TBC1D16: variants seen among roughly 807,000 people sequenced by gnomAD.
TBC1D16 encodes CTD-2529O21.1.
A neutral mutation model predicts 74.7 loss-of-function variants in TBC1D16; 58 were observed. The ratio of observed to expected loss-of-function variants is 0.78; its 90% CI spans 0.63 to 0.97. TBC1D16 has a LOEUF of 0.97. Ranked by LOEUF, TBC1D16 falls within the 50% of genes least tolerant of loss-of-function variation. The pLI, the probability that TBC1D16 is intolerant of heterozygous loss-of-function variation, is 0.00. For synonymous variants in TBC1D16, 493 were observed against 474.7 expected, an observed-to-expected ratio of 1.04 and a Z score of -0.50; for missense variants, 1,014 against 1,079.5, an observed-to-expected ratio of 0.94 and a Z score of 0.85.
chr17:79,963,428 C>T (rs1340275538), intron 3 of TBC1D16, among the ~76,000 whole-genome samples: 4 of 152,102 alleles, frequency 2.6e-5, no homozygotes, highest in Non-Finnish European at 5.9e-5. Context: ...GAATTTCCTT[C>T]CCTTTTATGG....
rs545902290 is a variant in TBC1D16 at position 79,986,586 on chromosome 17, T to G, written c.779+23574A>C. Among the ~76,000 whole-genome samples, 2 of 152,284 alleles carry G rather than the reference T, an allele frequency of 1.3e-5. No homozygotes were observed. Among genetic ancestry groups the G allele is most frequent in the South Asian group, 4.1e-4 (2 of 4,820 alleles). ...CCGCCCCCTGCCGAAGCCTGGCCTT[T>G]GAAGGATGAACGGCAAGGGGTATGT... On this transcript the variant is annotated intron_variant, in intron 3 of 11. Transcript: ENST00000310924. The surrounding 1 kb of genome is among the most constrained non-coding windows in gnomAD (Gnocchi z 6.0).
intron 3 of TBC1D16, among the ~76,000 whole-genome samples, chr17:79,977,754 A>G (rs1242187270): frequency 6.6e-6 from 1 of 152,264 alleles, no homozygotes; most frequent in Non-Finnish European, 1.5e-5. Flanking sequence ...TACTGGACTC[A>G]TCCAGCCGAG....
At chr17:79,974,858 G>A (rs1310272982) in intron 3 of TBC1D16, among the ~76,000 whole-genome samples, 1 of 152,100 alleles carries the variant, frequency 6.6e-6, no homozygotes, top group Non-Finnish European at 1.5e-5. Flanking sequence ...AGGAGTTTGT[G>A]GAATAGGTTC....
chr17:79,948,375 C>A (rs957830083), intron 8 of TBC1D16, among the ~76,000 whole-genome samples: 1 of 150,896 alleles, frequency 6.6e-6, no homozygotes, highest in African/African-American at 2.4e-5. Flanking sequence ...ATCTTGAGAG[C>A]AGGGGTTAAG....
chr17:79,977,287 G>A (rs1160485959), intron 3 of TBC1D16, among the ~76,000 whole-genome samples: 2 of 152,202 alleles, frequency 1.3e-5, no homozygotes, highest in African/African-American at 4.8e-5. Context: ...GCACAGGGAC[G>A]TGCAGGTCAC....
In TBC1D16 at chr17:79,944,295, A is replaced by G. The variant is rs575620554; in HGVS notation, c.1908+613T>C. Reference sequence around the variant, plus strand: ...AGTTTTTTTTTTAAAAGGCTGATGGACTCAAAGAGACTTGCTTATCTTTTG... The same window carrying G: ...AGTTTTTTTTTTAAAAGGCTGATGGGCTCAAAGAGACTTGCTTATCTTTTG... On this transcript the variant is annotated intron_variant, in intron 10 of 11. Transcript: ENST00000310924. The surrounding 1 kb of genome is among the most constrained non-coding windows in gnomAD (Gnocchi z 7.7). Among the ~76,000 whole-genome samples, 2 of 152,024 alleles carry G rather than the reference A, an allele frequency of 1.3e-5. No individual in the cohort carries two copies. The highest frequency in any genetic ancestry group is 1.3e-4 in the Admixed American group (2 of 15,272).
Position 80,000,680 on chromosome 17 carries a change from GTC to G in TBC1D16, c.779+9478_779+9479del, listed in dbSNP as rs1286698954. On this transcript the variant is annotated intron_variant, in intron 3 of 11. Coordinates refer to ENST00000310924, the MANE Select transcript of TBC1D16 (RefSeq NM_019020.4). This position sits in a 1 kb window ranked among gnomAD's most constrained non-coding sequence, Gnocchi z 4.1. Reference sequence around the variant, plus strand: ...AGTCAGGTACACAGTGATGATGACTGTCTATCTGCCCTGTACTGAGCCCTCTG... The same window carrying G: ...AGTCAGGTACACAGTGATGATGACTGTATCTGCCCTGTACTGAGCCCTCTG... Among the ~76,000 whole-genome samples, 1 of 152,218 alleles carries G rather than the reference GTC, an allele frequency of 6.6e-6. No homozygotes were observed. Among genetic ancestry groups the G allele is most frequent in the Non-Finnish European group, 1.5e-5 (1 of 68,044 alleles).
rs533973389 is a variant in TBC1D16, at chr17:79,983,665, G to A, written c.779+26495C>T. 3.3e-4 allele frequency among the ~76,000 whole-genome samples: 50 copies of A among 152,302 alleles called. No homozygotes were observed. The highest frequency in any genetic ancestry group is 9.6e-4 in the African/African-American group (40 of 41,578). ...AGGAGAGCAAGGAAGTGCCGCCCAC[G>A]GCATTCCGGAAGGTGGTTCCTTCTG... On this transcript the variant is annotated intron_variant, in intron 3 of 11. Coordinates refer to ENST00000310924, the MANE Select transcript of TBC1D16 (RefSeq NM_019020.4). This position sits in a 1 kb window ranked among gnomAD's most constrained non-coding sequence, Gnocchi z 5.6.
Position 79,954,559 on chromosome 17 carries a change from G to A in TBC1D16, c.780-1741C>T, listed in dbSNP as rs967750630. Among the ~76,000 whole-genome samples the A allele has an allele frequency of 6.6e-6, 1 of 152,172 alleles. No individual in the cohort carries two copies. Among genetic ancestry groups the A allele is most frequent in the African/African-American group, 2.4e-5 (1 of 41,450 alleles). The stretch of plus-strand genomic sequence containing the variant: ...GAACTGCCGTGGCTGCGCCGCGGAC[G>A]GGCCCAGAAGACCGAGGGCTCCTGA... On this transcript the variant is annotated intron_variant, in intron 3 of 11. Coordinates refer to ENST00000310924, the MANE Select transcript of TBC1D16 (RefSeq NM_019020.4). This position sits in a 1 kb window ranked among gnomAD's most constrained non-coding sequence, Gnocchi z 5.5.
rs550310388 is a variant in TBC1D16 at position 79,941,459 on chromosome 17, C to A, written c.2056-352G>T. 1.3e-5 allele frequency among the ~76,000 whole-genome samples: 2 copies of A among 148,692 alleles called. No homozygotes were observed. Among genetic ancestry groups the A allele is most frequent in the Non-Finnish European group, 3.0e-5 (2 of 66,592 alleles). ...AAGCCCACCTGTCCCTTTGGCAGCA[C>A]CCCTCTCTTCTTCCCCCGCACCTTG... On this transcript the variant is annotated intron_variant, in intron 11 of 11. Transcript: ENST00000310924. This position sits in a 1 kb window ranked among gnomAD's most constrained non-coding sequence, Gnocchi z 4.3.
chr17:79,941,418 C>T lies in TBC1D16; in HGVS notation c.2056-311G>A, dbSNP rs536187868. 3.4e-3 allele frequency among the ~76,000 whole-genome samples: 517 copies of T among 152,274 alleles called. 3 individuals are homozygous for T. Among genetic ancestry groups the T allele is most frequent in the Middle Eastern group, 0.01 (3 of 294 alleles). On this transcript the variant is annotated intron_variant, in intron 11 of 11. Coordinates refer to ENST00000310924, the MANE Select transcript of TBC1D16 (RefSeq NM_019020.4). The surrounding 1 kb of genome is among the most constrained non-coding windows in gnomAD (Gnocchi z 4.3). ...AACAGGACCAACACCAGCACAGGGC[C>T]GGGTGGCGTCCAGCCAAGCCCACCT...
chr17:80,025,120 G>A (rs113599285), intron 1 of TBC1D16, among the ~76,000 whole-genome samples: 2 of 78,362 alleles, frequency 2.6e-5, no homozygotes, highest in Non-Finnish European at 4.9e-5. Context: ...AAACACCACA[G>A]ACACACACAC....
rs145749859 is a variant in TBC1D16 at position 79,953,433 on chromosome 17, G to A, written c.780-615C>T. On this transcript the variant is annotated intron_variant, in intron 3 of 11. Transcript: ENST00000310924. The stretch of plus-strand genomic sequence containing the variant: ...GGCCCTGAGCTAATGCTTCTCAGGT[G>A]CTTTTATTGCAATTAATCTTCACAA... Among the ~76,000 whole-genome samples, 3 of 152,340 alleles carry A rather than the reference G, an allele frequency of 2.0e-5. No homozygotes were observed. In the East Asian group the frequency reaches 5.8e-4, roughly 29 times the overall value.
At position 79,994,751 on chromosome 17, in the gene TBC1D16, G is replaced by A. The variant is rs2035204003; in HGVS notation, c.779+15409C>T. Among the ~76,000 whole-genome samples, 1 of 152,118 alleles carries A rather than the reference G, an allele frequency of 6.6e-6. No homozygotes were observed. Among genetic ancestry groups the A allele is most frequent in the African/African-American group, 2.4e-5 (1 of 41,426 alleles). On this transcript the variant is annotated intron_variant, in intron 3 of 11. Transcript: ENST00000310924. This position sits in a 1 kb window ranked among gnomAD's most constrained non-coding sequence, Gnocchi z 4.6. ...GAATGTTTTTTCAAAAAAGCAGGTC[G>A]CCAATCTGTGTAGACTCGTGCTGGC...
At chr17:79,966,156 C>T (rs547001610) in intron 3 of TBC1D16, among the ~76,000 whole-genome samples, 212 of 152,336 alleles carry the variant, frequency 1.4e-3, no homozygotes, top group African/African-American at 5.0e-3. Flanking sequence ...AGCTGTATCA[C>T]TCCAGTCTCT....
Position 80,010,356 on chromosome 17 carries a change from C to T in TBC1D16, c.583G>A (p.Val195Ile). 1.2e-6 allele frequency: 2 copies of T among 1,612,232 alleles called. No individual in the cohort carries two copies. Among genetic ancestry groups the T allele is most frequent in the Non-Finnish European group, 1.7e-6 (2 of 1,179,308 alleles). ...GILSTVSPQD[V>I]TEEGREPRPE... is the part of the protein sequence containing the mutation. ...CGCGGCTCCCGCCCCTCCTCGGTGACATCCTGCGGACTGACCGTCGACAAG... is the reference window on the plus strand; with the variant it reads ...CGCGGCTCCCGCCCCTCCTCGGTGATATCCTGCGGACTGACCGTCGACAAG... The change falls in exon 3 of 12, where the codon GTC (valine) becomes ATC (isoleucine). Residue 195 changes from valine (V) to isoleucine (I), a missense_variant. Transcript: ENST00000310924. This position sits in a 1 kb window ranked among gnomAD's most constrained non-coding sequence, Gnocchi z 8.8.
In TBC1D16 at chr17:80,001,286, A is replaced by G. The variant is rs938956424; in HGVS notation, c.779+8874T>C. Among the ~76,000 whole-genome samples the G allele has an allele frequency of 2.0e-5, 3 of 152,240 alleles. No homozygotes were observed. The highest frequency in any genetic ancestry group is 2.1e-4 in the South Asian group (1 of 4,822). ...GGGCAGGGGGGAGTCTGGGGGAGGG[A>G]GGAACGCCACACAGAGCCTGCCAAG... On this transcript the variant is annotated intron_variant, in intron 3 of 11. Transcript: ENST00000310924. This position sits in a 1 kb window ranked among gnomAD's most constrained non-coding sequence, Gnocchi z 5.8.
At chr17:79,945,199 C>T in intron 9 of TBC1D16, 112 bp from the exon 10 acceptor site, 1 of 1,183,498 alleles carries the variant, frequency 8.4e-7, no homozygotes, top group Non-Finnish European at 1.2e-6. Flanking sequence ...TGGAAAAGCA[C>T]ACCCAGGGGC....
chr17:79,984,793 G>A (rs2144363991), intron 3 of TBC1D16, among the ~76,000 whole-genome samples: 1 of 151,732 alleles, frequency 6.6e-6, no homozygotes. Flanking sequence ...GATCAACAGG[G>A]AACTAAGACA....
Sources: gnomAD v4.1 joint callset for allele counts (sites outside exome capture counted in the v4.1 genomes callset) on GRCh38, gnomAD v4.1.1 for gene constraint, Gnocchi (gnomAD v3.1) non-coding constraint, MANE v1.5 for transcripts, NCBI Gene and HGNC (gene_info 2026-07-23, HGNC 2026-07-21) for gene names.